Variants in GCA observed in about 807,000 individuals in gnomAD.
GCA encodes grancalcin, EF-hand calcium-binding protein.
A neutral mutation model predicts 32.6 loss-of-function variants in GCA; 30 were observed. The observed-to-expected ratio is 0.92, with a 90% CI of 0.69 to 1.25. The LOEUF (loss-of-function observed/expected upper bound fraction) is 1.25, where lower values mean the gene tolerates loss of function less well. Among genes scored for constraint, GCA ranks in the 50% most tolerant of loss-of-function variants. The pLI, the probability that GCA is intolerant of heterozygous loss-of-function variation, is 0.00. For synonymous variants in GCA, 102 were observed against 84.6 expected (o/e 1.21, Z -1.13); for missense variants, 291 against 266.8 (o/e 1.09, Z -0.63).
At chr2:162,336,636 G>GA (rs1365283531) in intron 1 of GCA, among the ~76,000 whole-genome samples, 1 of 150,914 alleles carries the variant, frequency 6.6e-6, no homozygotes, top group Admixed American at 7.0e-5. Flanking sequence ...AAAAACCTAA[G>GA]TATATCTCTC....
rs762198602 is a variant in GCA at position 162,361,933 on chromosome 2, G to A, written c.*1690G>A. 2.9e-5 allele frequency: 29 copies of A among 984,210 alleles called. No individual in the cohort carries two copies. Among genetic ancestry groups the A allele is most frequent in the Admixed American group, 1.2e-4 (2 of 16,126 alleles). The allele number at this position is 984,210 out of a possible 1,614,324, so 61.0% of individuals were successfully genotyped here. On this transcript the variant is annotated 3_prime_UTR_variant, in exon 8 of 8. Coordinates refer to ENST00000437150, the MANE Select transcript of GCA (RefSeq NM_012198.5). ...GATGGTCGTTACTGAACTATTCTGCGGTCGATTATGATTATCTCTCTTACT... is the reference window on the plus strand; with the variant it reads ...GATGGTCGTTACTGAACTATTCTGCAGTCGATTATGATTATCTCTCTTACT...
chr2:162,369,728 A>C (rs1260538028), intron 4 of GCA, among the ~76,000 whole-genome samples: 2 of 152,096 alleles, frequency 1.3e-5, no homozygotes, highest in Non-Finnish European at 2.9e-5. Flanking sequence ...AATCCTTATG[A>C]AATTTGTTGC....
intron 5 of GCA, among the ~76,000 whole-genome samples, chr2:162,358,811 C>A (rs955512614): frequency 1.3e-5 from 2 of 151,252 alleles, no homozygotes; most frequent in East Asian, 3.9e-4. Context: ...GAATTATTTT[C>A]TTTTCCTTAG....
At chr2:162,324,893 G>A (rs1374015022) in intron 1 of GCA, among the ~76,000 whole-genome samples, 1 of 152,154 alleles carries the variant, frequency 6.6e-6, no homozygotes, top group Non-Finnish European at 1.5e-5. Flanking sequence ...AAATGGCACA[G>A]ACTCCTCCCA....
downstream of GCA, among the ~76,000 whole-genome samples, chr2:162,365,949 G>A (rs1454054088): frequency 1.3e-5 from 2 of 151,472 alleles, no homozygotes; most frequent in Non-Finnish European, 3.0e-5. Flanking sequence ...TGAAAATGTG[G>A]AATTTCTTAT....
At chr2:162,333,345 T>C (rs1277927601) in intron 1 of GCA, among the ~76,000 whole-genome samples, 1 of 152,154 alleles carries the variant, frequency 6.6e-6, no homozygotes, top group Non-Finnish European at 1.5e-5. Context: ...GTATACTGCA[T>C]ATTAAAATAC....
At chr2:162,318,785 G>C (rs1236592527), upstream of GCA, 1 of 159,840 alleles carries the variant, frequency 6.3e-6, no homozygotes, top group Non-Finnish European at 1.4e-5. Context: ...CCTTTTGGTC[G>C]GGGCGGGTGA....
downstream of GCA, among the ~76,000 whole-genome samples, chr2:162,364,860 T>G (rs1685701050): frequency 6.6e-6 from 1 of 151,622 alleles, no homozygotes; most frequent in South Asian, 2.1e-4. Flanking sequence ...TAAAGCCTGT[T>G]TATCCACCAG....
At chr2:162,373,679 A>C, downstream of GCA, 1 of 1,435,496 alleles carries the variant, frequency 7.0e-7, no homozygotes, top group Non-Finnish European at 9.2e-7. Context: ...AACAGACAGA[A>C]GTAGGAAAAG....
At chr2:162,357,143 G>T (rs1156637368) in intron 5 of GCA, among the ~76,000 whole-genome samples, 1 of 151,650 alleles carries the variant, frequency 6.6e-6, no homozygotes, top group African/African-American at 2.4e-5. Flanking sequence ...AATTTCTTCT[G>T]TTGTGTTTAA....
chr2:162,354,406 G>A (rs1685154651), intron 3 of GCA, among the ~76,000 whole-genome samples: 1 of 152,112 alleles, frequency 6.6e-6, no homozygotes, highest in African/African-American at 2.4e-5. Context: ...TCCTTTAATT[G>A]CCTTGCTTTT....
At chr2:162,367,822 A>G (rs967131579), downstream of GCA, among the ~76,000 whole-genome samples, 23 of 151,986 alleles carry the variant, frequency 1.5e-4, no homozygotes, top group Admixed American at 3.9e-4. Flanking sequence ...TATGCCAGGC[A>G]CTTTACTATA....
At chr2:162,373,322 G>T, downstream of GCA, 1 of 457,486 alleles carries the variant, frequency 2.2e-6, no homozygotes. Flanking sequence ...GCAGATTACA[G>T]GGCCCATTTC....
At chr2:162,352,905 A>G (rs1685074214) in intron 3 of GCA, among the ~76,000 whole-genome samples, 2 of 152,122 alleles carry the variant, frequency 1.3e-5, no homozygotes, top group Non-Finnish European at 2.9e-5. Context: ...TTATAGCTGT[A>G]TCTTATGATA....
chr2:162,369,512 TC>T (rs1685855949), intron 4 of GCA, among the ~76,000 whole-genome samples: 1 of 152,096 alleles, frequency 6.6e-6, no homozygotes, highest in African/African-American at 2.4e-5. Context: ...TTCCCCATCT[TC>T]CTATTTCTTC....
chr2:162,367,405 TA>T (rs922489574), downstream of GCA, among the ~76,000 whole-genome samples: 2 of 151,988 alleles, frequency 1.3e-5, no homozygotes, highest in African/African-American at 4.8e-5. Context: ...GATATCCATC[TA>T]AGGACTATAT....
At chr2:162,330,935 A>T (rs1684056336) in intron 1 of GCA, among the ~76,000 whole-genome samples, 1 of 152,190 alleles carries the variant, frequency 6.6e-6, no homozygotes, top group Non-Finnish European at 1.5e-5. Flanking sequence ...CTTTGTTTTG[A>T]ATGTATTTCT....
chr2:162,344,809 T>C (rs1177678816), intron 1 of GCA, among the ~76,000 whole-genome samples: 1 of 152,182 alleles, frequency 6.6e-6, no homozygotes, highest in East Asian at 1.9e-4. Context: ...ACTTTTATCC[T>C]GCATCACCTT....
At chr2:162,359,203 T>G (rs1685446499) in intron 6 of GCA, 46 bp downstream of exon 6, 3 of 1,034,058 alleles carry the variant, frequency 2.9e-6, no homozygotes, top group Non-Finnish European at 4.5e-6. Context: ...GTAGCTATTT[T>G]TCTTGAATAA....
Sources: allele counts gnomAD v4.1 joint callset (sites outside exome capture counted in the v4.1 genomes callset), GRCh38; gene constraint gnomAD v4.1.1; transcripts MANE v1.5; gene names NCBI Gene and HGNC (gene_info 2026-07-23, HGNC 2026-07-21).